The following PCDHA5 variants were observed in gnomAD, a reference collection of about 807,000 sequenced individuals.
The protein encoded by PCDHA5 is protocadherin alpha-5.
A neutral mutation model predicts 61.6 loss-of-function variants in PCDHA5; 43 were observed. That is an observed-to-expected ratio of 0.70 (90% CI 0.55 to 0.90). The LOEUF (loss-of-function observed/expected upper bound fraction) is 0.90, where lower values mean the gene tolerates loss of function less well. PCDHA5 is among the 40% of genes least tolerant of loss of function. The probability of loss-of-function intolerance (pLI) is 0.00; values close to 1 mark genes in which losing one functional copy is unlikely to be tolerated. For missense variants in PCDHA5, 1,298 were observed against 1,222.7 expected (o/e 1.06, Z -0.92); for synonymous variants, 627 against 543.9 (o/e 1.15, Z -2.13).
intron 1 of PCDHA5, chr5:140,869,187 C>G (rs782446170): frequency 2.5e-6 from 4 of 1,613,830 alleles, no homozygotes; most frequent in African/African-American, 1.3e-5. Flanking sequence ...AGGTGGGGAG[C>G]GGCCAGCTCC....
chr5:140,855,331 A>C (rs1554147752), intron 1 of PCDHA5, among the ~76,000 whole-genome samples: 1 of 149,982 alleles, frequency 6.7e-6, no homozygotes, highest in Non-Finnish European at 1.5e-5. Flanking sequence ...GGGAGAGGTT[A>C]AACGATTTTC....
chr5:140,919,038 C>A (rs2078983263), intron 1 of PCDHA5, among the ~76,000 whole-genome samples: 1 of 152,046 alleles, frequency 6.6e-6, no homozygotes, highest in Non-Finnish European at 1.5e-5. Context: ...TAGTTGTTGT[C>A]CATTATTGGA....
At chr5:140,968,776 A>G (rs1346540500) in intron 1 of PCDHA5, 4 of 1,614,082 alleles carry the variant, frequency 2.5e-6, no homozygotes, top group Admixed American at 3.3e-5. Context: ...AGCCATCACT[A>G]TCAGCCTCTG....
chr5:140,857,427 C>G lies in PCDHA5; in HGVS notation c.2352+33300C>G, dbSNP rs781871079. On this transcript the variant is annotated intron_variant, in intron 1 of 3. Coordinates refer to ENST00000529859, the MANE Select transcript of PCDHA5 (RefSeq NM_018908.3). The stretch of plus-strand genomic sequence containing the variant: ...CCTGCGTTCGCGCAGTCCGAGTACA[C>G]GGTGTTCGTGAAGGAGAACAACCCG... 49 of 1,598,334 alleles carry G rather than the reference C, an allele frequency of 3.1e-5. 4 individuals carry two copies. The highest frequency in any genetic ancestry group is 3.9e-5 in the Non-Finnish European group (46 of 1,167,894).
At chr5:140,856,210 G>C (rs556174610) in intron 1 of PCDHA5, 1 of 1,598,116 alleles carries the variant, frequency 6.3e-7, no homozygotes, top group African/African-American at 1.3e-5. Context: ...TGGGGCTGGA[G>C]CTGGCGGAGC....
intron 1 of PCDHA5, among the ~76,000 whole-genome samples, chr5:140,905,357 A>G (rs1280254509): frequency 1.3e-5 from 2 of 152,052 alleles, no homozygotes; most frequent in African/African-American, 4.8e-5. Flanking sequence ...GTATTTGACT[A>G]TATTTCTGGT....
At chr5:140,825,878 G>T (rs1768749257) in intron 1 of PCDHA5, 1 of 152,366 alleles carries the variant, frequency 6.6e-6, no homozygotes, top group Non-Finnish European at 1.5e-5. Context: ...TTTACAAAGA[G>T]TTGTTTATTA....
At chr5:140,913,028 T>C (rs1483903035) in intron 1 of PCDHA5, among the ~76,000 whole-genome samples, 1 of 152,232 alleles carries the variant, frequency 6.6e-6, no homozygotes, top group Non-Finnish European at 1.5e-5. Flanking sequence ...TCAATATTCA[T>C]CAGATATATT....
chr5:140,883,339 C>G (rs142984869), intron 1 of PCDHA5: 2 of 1,614,172 alleles, frequency 1.2e-6, no homozygotes, highest in South Asian at 2.2e-5. Flanking sequence ...CTTTGTCACT[C>G]CCCATCAGAG....
At chr5:140,850,112 C>A (rs2150468097) in intron 1 of PCDHA5, 1 of 1,596,024 alleles carries the variant, frequency 6.3e-7, no homozygotes, top group Non-Finnish European at 8.6e-7. Context: ...GCGCGCGCGA[C>A]GCGGGCGTGC....
chr5:140,938,979 C>T (rs1485638673), intron 1 of PCDHA5, among the ~76,000 whole-genome samples: 2 of 152,158 alleles, frequency 1.3e-5, no homozygotes, highest in Non-Finnish European at 2.9e-5. Flanking sequence ...TCAAGGCTAT[C>T]CTGGCTTTAT....
chr5:140,958,066 C>T (rs782243559), intron 1 of PCDHA5, among the ~76,000 whole-genome samples: 2 of 151,900 alleles, frequency 1.3e-5, no homozygotes, highest in African/African-American at 4.8e-5. Context: ...AGAAAAAACA[C>T]AGAAGCAAAA....
In PCDHA5 at chr5:140,856,229, C is replaced by T. The variant is rs17844338; in HGVS notation, c.2352+32102C>T. On this transcript the variant is annotated intron_variant, in intron 1 of 3. Transcript: ENST00000529859. ...GCTGGAGCTGGCGGAGCTGGTGCAG[C>T]GCCTGTTCCGGGTGGCGTCCAAAAG... 5 of 1,597,818 alleles carry T rather than the reference C, an allele frequency of 3.1e-6. No homozygotes were observed. The South Asian group carries it at 4.4e-5, about 14-fold the overall frequency.
rs560247030 is a variant in PCDHA5, at chr5:140,910,414, C to T, written c.2353-68535C>T. On this transcript the variant is annotated intron_variant, in intron 1 of 3. Transcript: ENST00000529859. ...GACTGGCCCCTGCCACCTCGAGATC[C>T]AATTATTCCCATTGCATTTAAGTTT... Among the ~76,000 whole-genome samples the T allele has an allele frequency of 2.6e-5, 4 of 152,258 alleles. No individual in the cohort carries two copies. In the East Asian group the frequency reaches 5.8e-4, roughly 22 times the overall value.
intron 1 of PCDHA5, chr5:140,830,398 C>G: frequency 1.9e-6 from 3 of 1,614,184 alleles, no homozygotes; most frequent in Non-Finnish European, 2.5e-6. Context: ...AGATGGATCT[C>G]ATGGCCTTTA....
chr5:140,862,657 C>T (rs2047475881), intron 1 of PCDHA5: 2 of 545,364 alleles, frequency 3.7e-6, no homozygotes, highest in South Asian at 2.8e-5. Context: ...CGCGCGGGAC[C>T]GGGACGCGCA....
intron 1 of PCDHA5, chr5:140,967,430 T>C (rs1554229552): frequency 1.2e-6 from 2 of 1,613,482 alleles, no homozygotes; most frequent in East Asian, 4.5e-5. Context: ...GCAGGCAGCC[T>C]TGCACCACCT....
At chr5:140,938,827 C>T (rs905501922) in intron 1 of PCDHA5, among the ~76,000 whole-genome samples, 4 of 151,880 alleles carry the variant, frequency 2.6e-5, no homozygotes, top group Non-Finnish European at 4.4e-5. Context: ...CATGAGTTTG[C>T]GTTATAACAA....
At chr5:140,952,171 TG>T (rs2094700193) in intron 1 of PCDHA5, among the ~76,000 whole-genome samples, 1 of 152,084 alleles carries the variant, frequency 6.6e-6, no homozygotes, top group Non-Finnish European at 1.5e-5. Context: ...GTTCAGTTCC[TG>T]CAGCTGCTCT....
Sources: allele counts gnomAD v4.1 joint callset (sites outside exome capture counted in the v4.1 genomes callset), GRCh38; gene constraint gnomAD v4.1.1; transcripts MANE v1.5; gene names NCBI Gene and HGNC (gene_info 2026-07-23, HGNC 2026-07-21).